BORCS5: variants seen among roughly 807,000 people sequenced by gnomAD.
The protein encoded by BORCS5 is BLOC-1-related complex subunit 5.
Under a neutral mutation model 22.1 loss-of-function variants are expected in BORCS5, and 17 were observed. That is an observed-to-expected ratio of 0.77 (90% CI 0.53 to 1.15). BORCS5 has a LOEUF of 1.15. BORCS5 is among the 50% of genes most tolerant of loss of function. The pLI, the probability that BORCS5 is intolerant of heterozygous loss-of-function variation, is 0.00. For synonymous variants in BORCS5, 117 were observed against 99.8 expected (o/e 1.17, Z -1.03); for missense variants, 247 against 253.2 (o/e 0.98, Z 0.17).
chr12:12,396,268 T>C (rs1050272904), intron 2 of BORCS5, among the ~76,000 whole-genome samples: 1 of 151,298 alleles, frequency 6.6e-6, no homozygotes, highest in African/African-American at 2.5e-5. Context: ...ATTACAGGTG[T>C]GAGCAACCGT....
At chr12:12,400,132 T>TC (rs1409594950) in intron 2 of BORCS5, among the ~76,000 whole-genome samples, 1 of 152,218 alleles carries the variant, frequency 6.6e-6, no homozygotes, top group East Asian at 1.9e-4. Flanking sequence ...CCGTAATGCT[T>TC]CCCCTACCTT....
chr12:12,416,956 A>AT (rs763610980), intron 2 of BORCS5, among the ~76,000 whole-genome samples: 149 of 134,002 alleles, frequency 1.1e-3, no homozygotes, highest in South Asian at 2.9e-3. Context: ...TACTTTTTGT[A>AT]TTTTTTTTTT....
chr12:12,411,244 G>A lies in BORCS5; in HGVS notation c.203-24384G>A, dbSNP rs560794170. 1.3e-3 allele frequency among the ~76,000 whole-genome samples: 202 copies of A among 152,224 alleles called. 1 individual carries two copies. The highest frequency in any genetic ancestry group is 4.2e-3 in the East Asian group (22 of 5,178). ...CTTCTCCTGCCTGATTGCCCTGGCC[G>A]GAACTTCCAACACTATGTTGAATAG... is the stretch of plus-strand genomic sequence containing the variant. On this transcript the variant is annotated intron_variant, in intron 2 of 3. Coordinates refer to ENST00000314565, the MANE Select transcript of BORCS5 (RefSeq NM_058169.6).
rs548419998 is a variant in BORCS5 at position 12,422,977 on chromosome 12, TG to T, written c.203-12648del. On this transcript the variant is annotated intron_variant, in intron 2 of 3. Transcript: ENST00000314565. ...GGTTACAAAAACCCCTGTAAATACA[TG>T]GGCTTTTTTTTTTTTATTTTTTATT... Among the ~76,000 whole-genome samples the T allele has an allele frequency of 1.0e-4, 14 of 135,294 alleles. No homozygotes were observed. In the South Asian group the frequency reaches 2.5e-3, roughly 25 times the overall value. 88.8% of individuals were successfully genotyped at this position (135,294 alleles called of 152,430 possible). A position where few individuals can be genotyped will look rare whatever the true frequency, so the allele number is the denominator to read the frequency against.
At chr12:12,393,036 C>A (rs958720465) in intron 2 of BORCS5, among the ~76,000 whole-genome samples, 3 of 151,986 alleles carry the variant, frequency 2.0e-5, no homozygotes, top group African/African-American at 7.3e-5. Context: ...GAGTTCAAGA[C>A]CAGCCTGGAC....
At chr12:12,452,916 T>C (rs1942938129) in intron 3 of BORCS5, among the ~76,000 whole-genome samples, 1 of 152,172 alleles carries the variant, frequency 6.6e-6, no homozygotes, top group Non-Finnish European at 1.5e-5. Flanking sequence ...CAAGTAGCCA[T>C]GGTCTGGTGG....
chr12:12,418,229 T>TG (rs1942023158), intron 2 of BORCS5, among the ~76,000 whole-genome samples: 1 of 150,502 alleles, frequency 6.6e-6, no homozygotes, highest in East Asian at 2.0e-4. Flanking sequence ...TTAGTGGAGA[T>TG]GGGGTTTCAC....
intron 1 of BORCS5, among the ~76,000 whole-genome samples, chr12:12,358,610 T>C (rs1863203337): frequency 6.6e-6 from 1 of 152,262 alleles, no homozygotes; most frequent in Non-Finnish European, 1.5e-5. Flanking sequence ...ATTTGTTTTC[T>C]TGCCCATGAA....
At chr12:12,423,157 A>T (rs1180574253) in intron 2 of BORCS5, among the ~76,000 whole-genome samples, 1 of 151,920 alleles carries the variant, frequency 6.6e-6, no homozygotes, top group East Asian at 1.9e-4. Flanking sequence ...GCCCGCCACC[A>T]CGCCTGGCTA....
intron 2 of BORCS5, among the ~76,000 whole-genome samples, chr12:12,385,612 C>T (rs1363709190): frequency 2.0e-5 from 3 of 150,844 alleles, no homozygotes; most frequent in Non-Finnish European, 4.4e-5. Flanking sequence ...CAGGTTTAAG[C>T]GATTCTTCTG....
In BORCS5 at chr12:12,450,799, C is replaced by T. The variant is rs74596653; in HGVS notation, c.361-14747C>T. Among the ~76,000 whole-genome samples the T allele has an allele frequency of 7.1e-4, 108 of 152,294 alleles. 1 individual carries two copies. In the East Asian group the frequency reaches 0.016, roughly 22 times the overall value. On this transcript the variant is annotated intron_variant, in intron 3 of 3. Transcript: ENST00000314565. ...CATCTCTGAATCTCTAATTTCTCATCTCTAATAGGAGAGGGACACTTTCCC... is the reference window on the plus strand; with the variant it reads ...CATCTCTGAATCTCTAATTTCTCATTTCTAATAGGAGAGGGACACTTTCCC...
In BORCS5 at chr12:12,357,288, C is replaced by T. The variant is rs75916733; in HGVS notation, c.-164C>T. On this transcript the variant is annotated 5_prime_UTR_variant, in exon 1 of 4. Transcript: ENST00000314565. ...GCCTCTCCTTCTCCCGCCGCCCAGG[C>T]CCCTGCGTGGGCTGGACGCGTCAGC... The T allele has an allele frequency of 1.8e-3, 2,564 of 1,456,514 alleles. 46 individuals carry two copies. In the African/African-American group the frequency reaches 0.031, roughly 18 times the overall value. The allele number at this position is 1,456,514 out of a possible 1,614,324, so 90.2% of individuals were successfully genotyped here.
chr12:12,377,629 CAAG>C (rs2136039267), intron 2 of BORCS5, among the ~76,000 whole-genome samples: 1 of 152,036 alleles, frequency 6.6e-6, no homozygotes, highest in East Asian at 1.9e-4. Context: ...CCTCTGCTCT[CAAG>C]AAGTCTCATT....
chr12:12,431,189 A>G (rs559136903), intron 2 of BORCS5, among the ~76,000 whole-genome samples: 102 of 152,314 alleles, frequency 6.7e-4, no homozygotes, highest in Non-Finnish European at 1.2e-3. Flanking sequence ...CTAAGCAGCA[A>G]AACCTCTTTC....
chr12:12,367,762 A>G (rs1421052546), intron 2 of BORCS5, among the ~76,000 whole-genome samples: 1 of 152,166 alleles, frequency 6.6e-6, no homozygotes, highest in Non-Finnish European at 1.5e-5. Flanking sequence ...GTTTCTTTCC[A>G]TTAAGTCTCA....
intron 2 of BORCS5, among the ~76,000 whole-genome samples, chr12:12,372,718 A>T (rs1426289179): frequency 6.6e-6 from 1 of 152,020 alleles, no homozygotes; most frequent in Non-Finnish European, 1.5e-5. Flanking sequence ...ATGTATTATG[A>T]AGTCTCTCCA....
intron 3 of BORCS5, among the ~76,000 whole-genome samples, chr12:12,437,917 T>A (rs1942587985): frequency 6.6e-6 from 1 of 152,068 alleles, no homozygotes; most frequent in Non-Finnish European, 1.5e-5. Context: ...GTGTATGCCA[T>A]CACGCCTGGC....
chr12:12,432,884 G>A (rs962796642), intron 2 of BORCS5, among the ~76,000 whole-genome samples: 4 of 152,176 alleles, frequency 2.6e-5, no homozygotes, highest in South Asian at 4.1e-4. Flanking sequence ...GATGGAAAGG[G>A]GGATGAGAGA....
intron 2 of BORCS5, among the ~76,000 whole-genome samples, chr12:12,427,728 G>A (rs557024677): frequency 1.5e-3 from 222 of 152,300 alleles, no homozygotes; most frequent in African/African-American, 5.0e-3. Context: ...CAAGGTCAAG[G>A]TGCCGGCAGA....
Sources: gnomAD v4.1 joint callset for allele counts (sites outside exome capture counted in the v4.1 genomes callset) on GRCh38, gnomAD v4.1.1 for gene constraint, MANE v1.5 for transcripts, NCBI Gene and HGNC (gene_info 2026-07-23, HGNC 2026-07-21) for gene names.